The following DDX10 variants were observed in gnomAD, a reference collection of about 807,000 sequenced individuals.
DDX10 encodes the protein DEAD-box helicase 10.
DDX10 carries 74 observed loss-of-function variants against 104.3 expected under a neutral mutation model. The observed-to-expected ratio is 0.71, with a 90% confidence interval of 0.59 to 0.86. The LOEUF (loss-of-function observed/expected upper bound fraction) is 0.86, where lower values mean the gene tolerates loss of function less well. DDX10 is among the 40% of genes least tolerant of loss of function. DDX10 has a pLI of 0.00. For missense variants in DDX10, 952 were observed against 1,040.0 expected (o/e 0.92, Z 1.16); for synonymous variants, 351 against 353.4 (o/e 0.99, Z 0.08).
chr11:108,845,811 A>T (rs1862709024), intron 15 of DDX10, among the ~76,000 whole-genome samples: 1 of 152,150 alleles, frequency 6.6e-6, no homozygotes, highest in Non-Finnish European at 1.5e-5. Flanking sequence ...AAAGGATAGG[A>T]TATTTAATAT....
Position 108,706,726 on chromosome 11 carries a change from T to G in DDX10, c.1224-13T>G. On this transcript the variant is annotated splice_polypyrimidine_tract_variant and intron_variant, in intron 9 of 17. Transcript: ENST00000322536. ...GCATTGATGTGTTAAAGATTTTGTT[T>G]CTTTTTGTTTAGGTACAAAGAGGAT... is the stretch of plus-strand genomic sequence containing the variant. The G allele has an allele frequency of 6.2e-7, 1 of 1,606,990 alleles. No homozygotes were observed. The highest frequency in any genetic ancestry group is 8.5e-7 in the Non-Finnish European group (1 of 1,173,516).
In DDX10 at chr11:108,719,839, A is replaced by G. The variant is rs1244788459; in HGVS notation, c.1453A>G (p.Lys485Glu). Residue 485 changes from lysine to glutamate, a missense_variant, in exon 12 of 18, where the codon AAA becomes GAA. Lys to Glu is a moderately conservative substitution (Grantham distance 56). Transcript: ENST00000322536. ...ACGATCTGTATATCTGATGAAGGAT[A>G]AAGAAGTATTTGATGTGAGCAAGTT... ...YVRSVYLMKD[K>E]EVFDVSKLPI... The G allele has an allele frequency of 6.2e-7, 1 of 1,607,930 alleles. No homozygotes were observed.
At chr11:108,936,490 A>C (rs1411323096) in intron 17 of DDX10, among the ~76,000 whole-genome samples, 1 of 152,204 alleles carries the variant, frequency 6.6e-6, no homozygotes, top group Admixed American at 6.5e-5. Flanking sequence ...TCATTACAGA[A>C]AAATGAGAAG....
Position 108,940,531 on chromosome 11 carries a change from C to A in DDX10, c.*108C>A. ...ACTTAGGTACCATATGCCCCATTCC[C>A]AAAGGGCACATTTCTGGATAGAAGC... On this transcript the variant is annotated 3_prime_UTR_variant, in exon 18 of 18. Coordinates refer to ENST00000322536, the MANE Select transcript of DDX10 (RefSeq NM_004398.4). 1.9e-6 allele frequency: 2 copies of A among 1,071,574 alleles called. No individual in the cohort carries two copies. Among genetic ancestry groups the A allele is most frequent in the South Asian group, 1.6e-5 (1 of 61,568 alleles). The allele number at this position is 1,071,574 out of a possible 1,614,324, so 66.4% of individuals were successfully genotyped here. A position where few individuals can be genotyped will look rare whatever the true frequency, so the allele number is the denominator to read the frequency against.
At chr11:108,834,191 A>T (rs921778153) in intron 13 of DDX10, among the ~76,000 whole-genome samples, 1 of 150,292 alleles carries the variant, frequency 6.7e-6, no homozygotes, top group African/African-American at 2.5e-5. Flanking sequence ...CTGGTCGTGA[A>T]CTCCTGGGCC....
intron 16 of DDX10, among the ~76,000 whole-genome samples, chr11:108,868,052 A>G (rs1335603082): frequency 6.6e-6 from 1 of 152,078 alleles, no homozygotes; most frequent in Non-Finnish European, 1.5e-5. Context: ...ATACTGAACC[A>G]GGTTCATTTT....
intron 13 of DDX10, among the ~76,000 whole-genome samples, chr11:108,801,221 A>G (rs931460505): frequency 1.1e-4 from 16 of 152,242 alleles, no homozygotes; most frequent in Admixed American, 4.6e-4. Context: ...ATATTAGAAT[A>G]TAACAAAAAA....
chr11:108,724,570 T>A, intron 13 of DDX10, among the ~76,000 whole-genome samples: 1 of 152,082 alleles, frequency 6.6e-6, no homozygotes, highest in Non-Finnish European at 1.5e-5. Flanking sequence ...TCAAATTAGA[T>A]CATTTTAAGT....
chr11:108,907,391 A>G (rs1863611614), intron 16 of DDX10, among the ~76,000 whole-genome samples: 1 of 149,936 alleles, frequency 6.7e-6, no homozygotes, highest in Non-Finnish European at 1.5e-5. Flanking sequence ...GTTGGAGTAC[A>G]GTGGCGTGAT....
intron 13 of DDX10, among the ~76,000 whole-genome samples, chr11:108,776,302 C>T (rs1406971478): frequency 1.3e-5 from 2 of 152,154 alleles, no homozygotes; most frequent in East Asian, 1.9e-4. Flanking sequence ...GCCACTTGCA[C>T]GTGCATTTCA....
chr11:108,687,104 A>G (rs887015034), intron 6 of DDX10, among the ~76,000 whole-genome samples: 3 of 152,140 alleles, frequency 2.0e-5, no homozygotes, highest in African/African-American at 7.2e-5. Context: ...TTTGGTTTTA[A>G]GAGACTGCTA....
At chr11:108,713,644 A>G (rs1476035304) in intron 10 of DDX10, among the ~76,000 whole-genome samples, 2 of 152,116 alleles carry the variant, frequency 1.3e-5, no homozygotes, top group African/African-American at 2.4e-5. Flanking sequence ...CATCCCTGCC[A>G]TGTCTGGTTA....
At chr11:108,780,691 A>G (rs192860928) in intron 13 of DDX10, among the ~76,000 whole-genome samples, 78 of 152,308 alleles carry the variant, frequency 5.1e-4, no homozygotes, top group African/African-American at 1.9e-3. Context: ...CTACTCAAGC[A>G]CTTTATTAAT....
chr11:108,876,196 T>A (rs1863151858), intron 16 of DDX10, among the ~76,000 whole-genome samples: 1 of 152,182 alleles, frequency 6.6e-6, no homozygotes, highest in East Asian at 1.9e-4. Flanking sequence ...TGATTTGGTG[T>A]TGATTTTTGT....
chr11:108,764,318 A>G (rs73556767), intron 13 of DDX10, among the ~76,000 whole-genome samples: 2,434 of 152,172 alleles, frequency 0.016, 78 homozygotes, highest in African/African-American at 0.056. Flanking sequence ...TGTTGGGGGG[A>G]ATAGCATCTT....
At chr11:108,871,657 G>A (rs1401606725) in intron 16 of DDX10, among the ~76,000 whole-genome samples, 2 of 152,192 alleles carry the variant, frequency 1.3e-5, no homozygotes, top group African/African-American at 2.4e-5. Context: ...GGCTGGGCGC[G>A]TTGGCTCACG....
intron 4 of DDX10, among the ~76,000 whole-genome samples, chr11:108,678,111 A>G (rs1265567790): frequency 6.6e-6 from 1 of 152,116 alleles, no homozygotes; most frequent in Admixed American, 6.5e-5. Context: ...TAGAACTCTG[A>G]GCTCCTTATG....
At chr11:108,745,709 G>A (rs2094331092) in intron 13 of DDX10, among the ~76,000 whole-genome samples, 1 of 152,114 alleles carries the variant, frequency 6.6e-6, no homozygotes, top group Admixed American at 6.5e-5. Context: ...ATTCTCTGAA[G>A]TCTTAAATAT....
intron 9 of DDX10, among the ~76,000 whole-genome samples, chr11:108,695,084 A>G (rs2094257905): frequency 6.6e-6 from 1 of 152,200 alleles, no homozygotes. Context: ...ATATGGTAAT[A>G]CTTATTAACA....
Sources: gnomAD v4.1 joint callset for allele counts (sites outside exome capture counted in the v4.1 genomes callset) on GRCh38, gnomAD v4.1.1 for gene constraint, MANE v1.5 for transcripts, NCBI Gene and HGNC (gene_info 2026-07-23, HGNC 2026-07-21) for gene names.